PASD1: variants seen among roughly 807,000 people sequenced by gnomAD.
The protein encoded by PASD1 is PAS domain containing repressor 1, also known as circadian clock protein PASD1.
A neutral mutation model predicts 58.8 loss-of-function variants in PASD1; 13 were observed. The ratio of observed to expected loss-of-function variants is 0.22; its 90% confidence interval spans 0.14 to 0.35. PASD1 has a LOEUF of 0.35. PASD1 is among the 10% of genes least tolerant of loss of function. PASD1 has a pLI of 1.00. For synonymous variants in PASD1, 236 were observed against 216.7 expected (o/e 1.09, Z -0.78); for missense variants, 734 against 568.3 (o/e 1.29, Z -2.96).
chrX:151,571,485 C>A (rs1431688012), intron 1 of PASD1, among the ~76,000 whole-genome samples: 1 of 111,456 alleles, frequency 9.0e-6, no homozygotes, highest in Non-Finnish European at 1.9e-5. Flanking sequence ...TTCTTTTCCT[C>A]ATGTCACTCC....
chrX:151,653,868 C>CTTTCTTTCTT (rs2014192638), intron 9 of PASD1, among the ~76,000 whole-genome samples: 3 of 16,463 alleles, frequency 1.8e-4, no homozygotes, highest in Admixed American at 9.0e-4. Context: ...CCCTCCCTCC[C>CTTTCTTTCTT]TCTTTCTTTC....
At chrX:151,589,610 A>T (rs189701374) in intron 1 of PASD1, among the ~76,000 whole-genome samples, 7 of 111,826 alleles carry the variant, frequency 6.3e-5, no homozygotes, top group Non-Finnish European at 1.1e-4. Flanking sequence ...TAAAGTTGAG[A>T]TAATTGAGAC....
chrX:151,653,355 C>G (rs1209410068), intron 9 of PASD1, among the ~76,000 whole-genome samples: 1 of 109,581 alleles, frequency 9.1e-6, no homozygotes, highest in East Asian at 2.9e-4. Context: ...CCACACCTGG[C>G]TAATTTTTGT....
At chrX:151,649,813 G>T (rs1001188897) in intron 9 of PASD1, among the ~76,000 whole-genome samples, 1 of 112,048 alleles carries the variant, frequency 8.9e-6, no homozygotes. Context: ...TGGTTTTCAG[G>T]CCTCCATGTG....
chrX:151,596,892 A>T (rs747724002), intron 1 of PASD1, among the ~76,000 whole-genome samples: 4 of 112,214 alleles, frequency 3.6e-5, no homozygotes, highest in African/African-American at 1.3e-4. Context: ...CAAAAATCAT[A>T]TGTGTGTATT....
intron 11 of PASD1, among the ~76,000 whole-genome samples, chrX:151,667,531 T>G (rs1195871747): frequency 8.9e-6 from 1 of 112,462 alleles, no homozygotes; most frequent in African/African-American, 3.2e-5. Context: ...ATTTAAGTCT[T>G]TAATCCATCT....
At chrX:151,663,867 A>G (rs1419532369) in intron 10 of PASD1, among the ~76,000 whole-genome samples, 1 of 112,063 alleles carries the variant, frequency 8.9e-6, no homozygotes, top group African/African-American at 3.2e-5. Flanking sequence ...AATGAATGAA[A>G]TGACACTAAC....
intron 6 of PASD1, among the ~76,000 whole-genome samples, chrX:151,621,927 C>T (rs979221623): frequency 3.7e-5 from 4 of 109,327 alleles, no homozygotes; most frequent in Non-Finnish European, 7.6e-5. Context: ...AGCAGTATGA[C>T]AGTGGTAAGA....
chrX:151,634,982 G>A (rs772205053), intron 8 of PASD1, among the ~76,000 whole-genome samples: 1 of 111,656 alleles, frequency 9.0e-6, no homozygotes, highest in Non-Finnish European at 1.9e-5. Context: ...TACATTTATT[G>A]GTTGGCATTT....
At chrX:151,663,088 CTT>C (rs1359624446) in intron 10 of PASD1, among the ~76,000 whole-genome samples, 2 of 112,032 alleles carry the variant, frequency 1.8e-5, no homozygotes, top group Non-Finnish European at 3.8e-5. Context: ...AAAATTCACT[CTT>C]TGATATATAC....
chrX:151,631,843 A>G (rs989296759), intron 8 of PASD1, among the ~76,000 whole-genome samples: 1 of 112,113 alleles, frequency 8.9e-6, no homozygotes, highest in East Asian at 2.8e-4. Flanking sequence ...TATTGACTCC[A>G]TTCCTTATGT....
intron 11 of PASD1, among the ~76,000 whole-genome samples, chrX:151,668,967 T>C (rs1052466158): frequency 6.5e-5 from 7 of 106,887 alleles, no homozygotes; most frequent in African/African-American, 2.0e-4. Context: ...CAGGCTGGTC[T>C]CAAGCCTCAA....
At chrX:151,590,676 G>A (rs1290712829) in intron 1 of PASD1, among the ~76,000 whole-genome samples, 1 of 111,052 alleles carries the variant, frequency 9.0e-6, no homozygotes, top group Admixed American at 9.6e-5. Flanking sequence ...CGCCTCCCAG[G>A]CTCAAGCGAT....
At chrX:151,655,981 GTTT>G (rs1411455594) in intron 9 of PASD1, among the ~76,000 whole-genome samples, 2 of 112,031 alleles carry the variant, frequency 1.8e-5, no homozygotes, top group African/African-American at 6.5e-5. Flanking sequence ...GGTTTTTATG[GTTT>G]TAGGTCTAAC....
Position 151,671,296 on chromosome X carries a change from A to G in PASD1, c.1230+100A>G, listed in dbSNP as rs745876637. The stretch of plus-strand genomic sequence containing the variant: ...TTGGCAAGCCTTAAGGAGTTAGTCA[A>G]TGGTGTCTGCCGGTAGTGACAGCTG... On this transcript the variant is annotated intron_variant, in intron 12 of 15. Coordinates refer to ENST00000370357, the MANE Select transcript of PASD1 (RefSeq NM_173493.3). 8.9e-5 allele frequency: 86 copies of G among 970,912 alleles called. 2 individuals are homozygous for G. Among genetic ancestry groups the G allele is most frequent in the East Asian group, 8.6e-4 (28 of 32,415 alleles). 80.0% of individuals were successfully genotyped at this position (970,912 alleles called of 1,213,427 possible).
At chrX:151,623,101 G>A (rs946411778) in intron 7 of PASD1, 37 bp downstream of exon 7, 13 of 1,194,186 alleles carry the variant, frequency 1.1e-5, no homozygotes, top group African/African-American at 8.8e-5. Context: ...CCGCTGTGGC[G>A]ATGTGGGCTT....
At chrX:151,672,739 C>G (rs1031927004) in intron 14 of PASD1, 78 bp downstream of exon 14, 2 of 1,158,397 alleles carry the variant, frequency 1.7e-6, no homozygotes, top group African/African-American at 3.6e-5. Context: ...CCTGAGATCA[C>G]AGACAGACGA....
chrX:151,671,465 TCCTGTAGGCTTG>T, intron 12 of PASD1, 96 bp from the exon 13 acceptor site: 1 of 954,676 alleles, frequency 1.0e-6, no homozygotes, highest in African/African-American at 1.9e-5. Flanking sequence ...AGCCAAGGCT[TCCTGTAGGCTTG>T]CCTGTGGGCA....
chrX:151,580,056 C>A (rs1179575484), intron 1 of PASD1, among the ~76,000 whole-genome samples: 1 of 111,826 alleles, frequency 8.9e-6, no homozygotes, highest in African/African-American at 3.3e-5. Context: ...GTCCATAACA[C>A]CAGATGCTGA....
Sources: gnomAD v4.1 joint callset for allele counts (sites outside exome capture counted in the v4.1 genomes callset) on GRCh38, gnomAD v4.1.1 for gene constraint, MANE v1.5 for transcripts, NCBI Gene and HGNC (gene_info 2026-07-23, HGNC 2026-07-21) for gene names.